The following PPHLN1 variants were observed in gnomAD, a reference collection of about 807,000 sequenced individuals.
The protein encoded by PPHLN1 is periphilin 1.
A neutral mutation model predicts 51.3 loss-of-function variants in PPHLN1; 29 were observed. The ratio of observed to expected loss-of-function variants is 0.57; its 90% CI spans 0.42 to 0.77. PPHLN1 has a LOEUF of 0.77. Ranked by LOEUF, PPHLN1 falls within the 30% of genes least tolerant of loss-of-function variation. The pLI is 0.00. For missense variants in PPHLN1, 436 were observed against 438.4 expected, an observed-to-expected ratio of 0.99 and a Z score of 0.05; for synonymous variants, 147 against 147.8, an observed-to-expected ratio of 0.99 and a Z score of 0.04.
In PPHLN1 at chr12:42,374,923, G is replaced by A. The variant is rs766835783; in HGVS notation, c.360G>A (p.Arg120=). ...SFYSSHYARE[R]SPYKRDNTFF... Reference sequence around the variant, plus strand: ...ACTCTTCCCATTATGCGAGAGAGCGGTCTCCTTATAAAAGGGACAATACTT... The same window carrying A: ...ACTCTTCCCATTATGCGAGAGAGCGATCTCCTTATAAAAGGGACAATACTT... Residue 120 remains arginine (R), a synonymous_variant, in exon 5 of 10, where the codon CGG becomes CGA. Coordinates refer to ENST00000358314, the MANE Select transcript of PPHLN1 (RefSeq NM_201439.2). 1.9e-6 allele frequency: 3 copies of A among 1,613,708 alleles called. No homozygotes were observed. The South Asian group carries it at 3.3e-5, about 18-fold the overall frequency.
chr12:42,422,200 T>G (rs2081067025), intron 9 of PPHLN1, among the ~76,000 whole-genome samples: 1 of 152,226 alleles, frequency 6.6e-6, no homozygotes, highest in Non-Finnish European at 1.5e-5. Flanking sequence ...AGTCAAACCA[T>G]AAATAATAAT....
At chr12:42,353,116 T>C (rs1307598193) in intron 3 of PPHLN1, among the ~76,000 whole-genome samples, 1 of 152,124 alleles carries the variant, frequency 6.6e-6, no homozygotes, top group Non-Finnish European at 1.5e-5. Flanking sequence ...GCTGCTATTA[T>C]TACTATTACA....
At chr12:42,390,098 T>C (rs902578685) in intron 7 of PPHLN1, among the ~76,000 whole-genome samples, 3 of 152,234 alleles carry the variant, frequency 2.0e-5, no homozygotes, top group African/African-American at 7.2e-5. Context: ...TTACTTCTTT[T>C]CATTCTGCCT....
downstream of PPHLN1, chr12:42,447,959 C>G (rs1670585627): frequency 6.6e-6 from 1 of 152,108 alleles, no homozygotes; most frequent in African/African-American, 2.4e-5. Context: ...CAAGCTAAAT[C>G]CCACATAACA....
chr12:42,340,119 C>T (rs1021762950), intron 2 of PPHLN1, among the ~76,000 whole-genome samples: 11 of 152,100 alleles, frequency 7.2e-5, no homozygotes, highest in African/African-American at 1.4e-4. Flanking sequence ...CCAGCCTGGG[C>T]AACAATGTGA....
At chr12:42,409,918 T>A (rs540833494) in intron 9 of PPHLN1, among the ~76,000 whole-genome samples, 2 of 152,168 alleles carry the variant, frequency 1.3e-5, no homozygotes, top group Non-Finnish European at 2.9e-5. Context: ...TTTTATATTA[T>A]ATCTCTGACA....
intron 9 of PPHLN1, among the ~76,000 whole-genome samples, chr12:42,404,224 A>G (rs997445895): frequency 1.3e-5 from 2 of 152,148 alleles, no homozygotes; most frequent in Non-Finnish European, 2.9e-5. Context: ...ATTACTTTCA[A>G]ATTACTTCTT....
chr12:42,431,518 T>C lies in PPHLN1; in HGVS notation c.910-9797T>C. On this transcript the variant is annotated intron_variant, in intron 9 of 9. Coordinates refer to ENST00000358314, the MANE Select transcript of PPHLN1 (RefSeq NM_201439.2). ...AAAGTATGTTTAACATATGATTTAT[T>C]CAGGATCCCTCCCCTTTTTGAATTC... 13 of 544,088 alleles carry C rather than the reference T, an allele frequency of 2.4e-5. No homozygotes were observed. In the South Asian group the frequency reaches 2.8e-4, roughly 12 times the overall value. The allele number at this position is 544,088 out of a possible 1,614,324, so 33.7% of individuals were successfully genotyped here. A position where few individuals can be genotyped will look rare whatever the true frequency, so the allele number is the denominator to read the frequency against.
chr12:42,354,652 C>T (rs1006134752), intron 3 of PPHLN1, among the ~76,000 whole-genome samples: 3 of 151,684 alleles, frequency 2.0e-5, no homozygotes, highest in Admixed American at 6.6e-5. Flanking sequence ...AAATTTAAAT[C>T]TTATTCTGAT....
At chr12:42,431,226 G>A (rs561291130) in intron 9 of PPHLN1, among the ~76,000 whole-genome samples, 2 of 152,090 alleles carry the variant, frequency 1.3e-5, no homozygotes, top group Non-Finnish European at 2.9e-5. Context: ...TAAACTAATG[G>A]AGAAATTACA....
At chr12:42,427,634 A>G (rs2081616884) in intron 9 of PPHLN1, among the ~76,000 whole-genome samples, 1 of 152,244 alleles carries the variant, frequency 6.6e-6, no homozygotes, top group Non-Finnish European at 1.5e-5. Context: ...ACTTACATCT[A>G]CGACCTGAAA....
In PPHLN1 at chr12:42,380,368, G is replaced by A. The variant is rs563808757; in HGVS notation, c.512-4572G>A. ...GCCTAGCTTCCCTTATTTTTCTTAC[G>A]TCAACAGCCATTATTAAGAATAGAA... is the stretch of plus-strand genomic sequence containing the variant. On this transcript the variant is annotated intron_variant, in intron 5 of 9. Transcript: ENST00000358314. Among the ~76,000 whole-genome samples, 13 of 151,730 alleles carry A rather than the reference G, an allele frequency of 8.6e-5. No individual in the cohort carries two copies. In the East Asian group the frequency reaches 1.7e-3, roughly 20 times the overall value.
chr12:42,351,091 G>GT lies in PPHLN1; in HGVS notation c.73-785dup, dbSNP rs113281394. Among the ~76,000 whole-genome samples the GT allele has an allele frequency of 9.9e-3, 1,501 of 151,510 alleles. 42 individuals are homozygous for GT. In the East Asian group the frequency reaches 0.11, roughly 11 times the overall value. ...ATCTTATGTTATATCAGGCTTTACA[G>GT]TTTTTTTTTAACATATATCTCATTT... is the stretch of plus-strand genomic sequence containing the variant. On this transcript the variant is annotated intron_variant, in intron 2 of 9. Transcript: ENST00000358314.
chr12:42,413,526 ATGTGTGTGTGTGTGTGTGTGTGTGTGTG>A (rs71084648), intron 9 of PPHLN1, among the ~76,000 whole-genome samples: 4 of 136,518 alleles, frequency 2.9e-5, no homozygotes, highest in African/African-American at 1.1e-4. Flanking sequence ...ATATATGTAT[ATGTGTGTGTGTGTGTGTGTGTGTGTGTG>A]TGTGTGTGTG....
At chr12:42,444,549 T>G (rs1172971371), downstream of PPHLN1, 1 of 152,690 alleles carries the variant, frequency 6.5e-6, no homozygotes, top group Non-Finnish European at 1.5e-5. Context: ...ATAGGTTTTT[T>G]GCTCACATAC....
chr12:42,359,576 T>C (rs186010491), intron 4 of PPHLN1: 8 of 152,360 alleles, frequency 5.3e-5, no homozygotes, highest in South Asian at 2.1e-4. Context: ...ATCTGGCTTC[T>C]GTAAGCTGTT....
At chr12:42,344,409 CTTG>C (rs2071964260) in intron 2 of PPHLN1, among the ~76,000 whole-genome samples, 3 of 152,162 alleles carry the variant, frequency 2.0e-5, no homozygotes, top group African/African-American at 7.2e-5. Flanking sequence ...CATTGCCAAT[CTTG>C]TTTTGTCTAT....
intron 1 of PPHLN1, among the ~76,000 whole-genome samples, chr12:42,330,216 C>A (rs577049366): frequency 6.6e-6 from 1 of 152,336 alleles, no homozygotes; most frequent in African/African-American, 2.4e-5. Flanking sequence ...TCTCCTATCT[C>A]AGAATAGAAC....
At chr12:42,394,175 A>G (rs1047187358) in intron 8 of PPHLN1, among the ~76,000 whole-genome samples, 2 of 152,130 alleles carry the variant, frequency 1.3e-5, no homozygotes, top group African/African-American at 4.8e-5. Flanking sequence ...GAATACCGAA[A>G]GATGGGAACA....
Sources: gnomAD v4.1 joint callset for allele counts (sites outside exome capture counted in the v4.1 genomes callset) on GRCh38, gnomAD v4.1.1 for gene constraint, MANE v1.5 for transcripts, NCBI Gene and HGNC (gene_info 2026-07-23, HGNC 2026-07-21) for gene names.